The following C7orf78 variants were observed in gnomAD, a reference collection of about 807,000 sequenced individuals.
C7orf78 encodes the protein putative uncharacterized protein C7orf78.
At chr7:12,505,047 C>T in the C7orf78 span, among the ~76,000 whole-genome samples, 1 of 151,650 alleles carries the variant, frequency 6.6e-6, no homozygotes, top group Non-Finnish European at 1.5e-5. Context: ...AATTTAAAAG[C>T]AGATAACAAA....
chr7:12,511,977 G>A, the C7orf78 span, among the ~76,000 whole-genome samples: 10 of 129,722 alleles, frequency 7.7e-5, no homozygotes, highest in Middle Eastern at 5.1e-3. Context: ...GGGTTTCACC[G>A]TGTTAGCCAG....
chr7:12,506,592 G>A, the C7orf78 span, among the ~76,000 whole-genome samples: 19 of 152,110 alleles, frequency 1.2e-4, no homozygotes, highest in Non-Finnish European at 2.8e-4. Flanking sequence ...GTTCAACAAT[G>A]AGAACACATG....
the C7orf78 span, among the ~76,000 whole-genome samples, chr7:12,502,901 C>A: frequency 1.3e-5 from 2 of 150,084 alleles, no homozygotes; most frequent in Admixed American, 6.6e-5. Flanking sequence ...TACTATGCAG[C>A]CATAAAAAAT....
At chr7:12,487,943 C>T in the C7orf78 span, among the ~76,000 whole-genome samples, 1 of 151,934 alleles carries the variant, frequency 6.6e-6, no homozygotes, top group Non-Finnish European at 1.5e-5. Flanking sequence ...AAGTATATTC[C>T]AATTTGCCAA....
At chr7:12,525,862 G>C in the C7orf78 span, 1 of 396,710 alleles carries the variant, frequency 2.5e-6, no homozygotes, top group Non-Finnish European at 4.4e-6. Flanking sequence ...TTATGAAAAG[G>C]ACCCCTTTGG....
At chr7:12,484,076 T>C in the C7orf78 span, 1 of 152,080 alleles carries the variant, frequency 6.6e-6, no homozygotes, top group Non-Finnish European at 1.5e-5. Context: ...TATTGAAAAA[T>C]AGATATTGAA....
the C7orf78 span, among the ~76,000 whole-genome samples, chr7:12,531,801 T>G: frequency 6.6e-6 from 1 of 151,910 alleles, no homozygotes; most frequent in Non-Finnish European, 1.5e-5. Flanking sequence ...CACATGTGGG[T>G]GGGTTAAGGA....
the C7orf78 span, among the ~76,000 whole-genome samples, chr7:12,511,297 T>A: frequency 6.6e-6 from 1 of 152,234 alleles, no homozygotes; most frequent in African/African-American, 2.4e-5. Flanking sequence ...ATTTGTAATA[T>A]GTTTTGAAGA....
At chr7:12,526,450 A>C in the C7orf78 span, among the ~76,000 whole-genome samples, 1 of 152,152 alleles carries the variant, frequency 6.6e-6, no homozygotes, top group Non-Finnish European at 1.5e-5. Context: ...TATTTGGATT[A>C]GGAGGGACAA....
the C7orf78 span, among the ~76,000 whole-genome samples, chr7:12,500,068 C>T: frequency 5.0e-5 from 6 of 120,318 alleles, no homozygotes; most frequent in Non-Finnish European, 8.8e-5. Flanking sequence ...ATCTCTGGGA[C>T]GCATTCAAAG....
the C7orf78 span, among the ~76,000 whole-genome samples, chr7:12,498,642 C>T: frequency 5.9e-5 from 9 of 152,212 alleles, no homozygotes; most frequent in East Asian, 1.9e-4. Context: ...AGAATGGAAC[C>T]GAGTTGGAAA....
chr7:12,494,060 T>C, the C7orf78 span, among the ~76,000 whole-genome samples: 1 of 152,288 alleles, frequency 6.6e-6, no homozygotes, highest in South Asian at 2.1e-4. Context: ...TTTGGAATGC[T>C]GTAAAAGGCA....
chr7:12,510,722 C>G, the C7orf78 span, among the ~76,000 whole-genome samples: 1 of 151,974 alleles, frequency 6.6e-6, no homozygotes, highest in African/African-American at 2.4e-5. Flanking sequence ...TGTGCTTTGT[C>G]CACTTTTTAA....
At chr7:12,528,926 A>G in the C7orf78 span, 1 of 398,458 alleles carries the variant, frequency 2.5e-6, no homozygotes. Context: ...TTACCGAAAG[A>G]TGATAAACAG....
chr7:12,508,676 C>A, the C7orf78 span, among the ~76,000 whole-genome samples: 1 of 152,152 alleles, frequency 6.6e-6, no homozygotes, highest in Non-Finnish European at 1.5e-5. Flanking sequence ...CCAAACCAGG[C>A]CACACAACAG....
At chr7:12,537,958 A>G in the C7orf78 span, among the ~76,000 whole-genome samples, 1 of 152,136 alleles carries the variant, frequency 6.6e-6, no homozygotes, top group Non-Finnish European at 1.5e-5. Flanking sequence ...CCATTTATAT[A>G]AAGGAAAACT....
the C7orf78 span, among the ~76,000 whole-genome samples, chr7:12,525,667 A>T: frequency 6.6e-6 from 1 of 152,130 alleles, no homozygotes; most frequent in Non-Finnish European, 1.5e-5. Flanking sequence ...ATTTTCATAA[A>T]CAAGTTTTAA....
chr7:12,523,817 A>C, the C7orf78 span, among the ~76,000 whole-genome samples: 1,222 of 152,328 alleles, frequency 8.0e-3, 19 homozygotes, highest in African/African-American at 0.028. Context: ...GAAAATAGTT[A>C]AAAAGGGATA....
chr7:12,512,233 T>C, the C7orf78 span, among the ~76,000 whole-genome samples: 5 of 152,140 alleles, frequency 3.3e-5, no homozygotes, highest in African/African-American at 4.8e-5. Flanking sequence ...TGTTGAATCA[T>C]AGTGGTGAAA....
Sources: gnomAD v4.1 joint callset for allele counts (sites outside exome capture counted in the v4.1 genomes callset) on GRCh38, gnomAD v4.1.1 for gene constraint, MANE v1.5 for transcripts, NCBI Gene and HGNC (gene_info 2026-07-23, HGNC 2026-07-21) for gene names.